RETREG1: variants seen among roughly 807,000 people sequenced by gnomAD.
The protein encoded by RETREG1 is family with sequence similarity 134 member B.
In RETREG1, 44 loss-of-function variants were observed where a neutral mutation model predicts 54.8. The ratio of observed to expected loss-of-function variants is 0.80; its 90% CI spans 0.63 to 1.03. The LOEUF (loss-of-function observed/expected upper bound fraction) is 1.03. RETREG1 is among the 50% of genes least tolerant of loss of function. The pLI, the probability that RETREG1 is intolerant of heterozygous loss-of-function variation, is 0.00. For synonymous variants in RETREG1, 217 were observed against 238.5 expected (o/e 0.91, Z 0.83); for missense variants, 554 against 605.1 (o/e 0.92, Z 0.89).
chr5:16,520,100 T>C (rs1740483030), intron 3 of RETREG1, among the ~76,000 whole-genome samples: 1 of 151,990 alleles, frequency 6.6e-6, no homozygotes, highest in African/African-American at 2.4e-5. Flanking sequence ...CAAGGGCTGC[T>C]GGGGGACAGG....
At chr5:16,556,815 G>A (rs115203932) in intron 3 of RETREG1, among the ~76,000 whole-genome samples, 8 of 152,110 alleles carry the variant, frequency 5.3e-5, no homozygotes, top group Admixed American at 3.3e-4. Flanking sequence ...ACTAGGATAC[G>A]ATACGCACCT....
At chr5:16,608,656 T>C (rs1312618118) in intron 1 of RETREG1, among the ~76,000 whole-genome samples, 1 of 152,160 alleles carries the variant, frequency 6.6e-6, no homozygotes, top group Non-Finnish European at 1.5e-5. Flanking sequence ...GTTCAGGCAC[T>C]GGGCTTCTGG....
At chr5:16,528,858 G>A (rs1247095957) in intron 3 of RETREG1, among the ~76,000 whole-genome samples, 2 of 152,130 alleles carry the variant, frequency 1.3e-5, no homozygotes, top group African/African-American at 2.4e-5. Flanking sequence ...CTACCATTGT[G>A]GCATCAAAGC....
At chr5:16,493,387 C>G (rs1004456385) in intron 3 of RETREG1, among the ~76,000 whole-genome samples, 1 of 152,184 alleles carries the variant, frequency 6.6e-6, no homozygotes, top group Non-Finnish European at 1.5e-5. Flanking sequence ...AATTCCATTA[C>G]TAGCATAGGA....
At chr5:16,525,316 A>T (rs971591485) in intron 3 of RETREG1, among the ~76,000 whole-genome samples, 46 of 89,358 alleles carry the variant, frequency 5.1e-4, no homozygotes, top group Admixed American at 1.5e-3. Flanking sequence ...CTCCAGCCCC[A>T]ACAGGTGGAT....
At chr5:16,482,516 C>A (rs961072119) in intron 4 of RETREG1, among the ~76,000 whole-genome samples, 1 of 150,924 alleles carries the variant, frequency 6.6e-6, no homozygotes, top group Non-Finnish European at 1.5e-5. Flanking sequence ...CACTTTAATA[C>A]ACTCAAAATG....
At chr5:16,509,037 G>T in intron 3 of RETREG1, 1 of 943,190 alleles carries the variant, frequency 1.1e-6, no homozygotes. Context: ...TCTTCCCCCG[G>T]CTTTTTTTTT....
intron 3 of RETREG1, among the ~76,000 whole-genome samples, chr5:16,554,075 T>C (rs1232945368): frequency 6.6e-6 from 1 of 152,232 alleles, no homozygotes; most frequent in Non-Finnish European, 1.5e-5. Flanking sequence ...CTGTCACTTG[T>C]ACCTGGAGGC....
rs1317173590 is a variant in RETREG1 at position 16,594,264 on chromosome 5, C to A, written c.321-22162G>T. On this transcript the variant is annotated intron_variant, in intron 1 of 8. Coordinates refer to ENST00000306320, the MANE Select transcript of RETREG1 (RefSeq NM_001034850.3). This position sits in a 1 kb window ranked among gnomAD's most constrained non-coding sequence, Gnocchi z 4.4. ...GATACGATTAAGAATCAAAATTTCT[C>A]CTGATGCCCAACTTTCATTTTGATA... Among the ~76,000 whole-genome samples the A allele has an allele frequency of 6.6e-6, 1 of 152,202 alleles. No individual in the cohort carries two copies. Among genetic ancestry groups the A allele is most frequent in the Non-Finnish European group, 1.5e-5 (1 of 68,032 alleles).
chr5:16,528,322 A>T (rs1740786201), intron 3 of RETREG1, among the ~76,000 whole-genome samples: 1 of 152,198 alleles, frequency 6.6e-6, no homozygotes, highest in African/African-American at 2.4e-5. Context: ...GATTTTACAG[A>T]GATTACAATT....
intron 5 of RETREG1, among the ~76,000 whole-genome samples, chr5:16,479,942 A>C (rs2126514860): frequency 6.6e-6 from 1 of 152,158 alleles, no homozygotes; most frequent in African/African-American, 2.4e-5. Context: ...AGGTGAAGAA[A>C]ATCCATACTT....
At chr5:16,586,645 C>A (rs1300631532) in intron 1 of RETREG1, among the ~76,000 whole-genome samples, 10 of 152,196 alleles carry the variant, frequency 6.6e-5, no homozygotes, top group African/African-American at 2.4e-4. Flanking sequence ...CAAATATTAT[C>A]TGATTCTATA....
chr5:16,610,775 T>C (rs568821216), intron 1 of RETREG1, among the ~76,000 whole-genome samples: 2 of 152,288 alleles, frequency 1.3e-5, no homozygotes, highest in South Asian at 2.1e-4. Context: ...GCAGAGGATG[T>C]GGAGAAATAG....
intron 3 of RETREG1, among the ~76,000 whole-genome samples, chr5:16,534,301 C>T (rs888917053): frequency 1.3e-5 from 2 of 152,262 alleles, no homozygotes; most frequent in South Asian, 2.1e-4. Flanking sequence ...AACGAACCAA[C>T]CTAGCATCAG....
chr5:16,502,187 T>C (rs567338125), intron 3 of RETREG1, among the ~76,000 whole-genome samples: 17 of 151,158 alleles, frequency 1.1e-4, no homozygotes, highest in Middle Eastern at 3.6e-3. Flanking sequence ...CTCGATCTCC[T>C]GATCTCGTGA....
At chr5:16,616,988 AGACAGGGACGG>A in exon 1 of RETREG1, 4 of 1,361,304 alleles carry the variant, frequency 2.9e-6, no homozygotes, top group Non-Finnish European at 3.8e-6. Context: ...CTGTGCTTCC[AGACAGGGACGG>A]GGCCGGGCGC....
chr5:16,475,175 C>G lies in RETREG1; in HGVS notation c.1060G>C (p.Glu354Gln). 6.2e-7 allele frequency: 1 copy of G among 1,613,822 alleles called. No homozygotes were observed. The highest frequency in any genetic ancestry group is 1.1e-5 in the South Asian group (1 of 91,086). The change falls in exon 9 of 9, where the codon GAA (glutamate) becomes CAA (glutamine). Residue 354 changes from glutamate (E) to glutamine (Q), a missense_variant. By Grantham distance (29) the Glu-to-Gln change is conservative. Coordinates refer to ENST00000306320, the MANE Select transcript of RETREG1 (RefSeq NM_001034850.3). Reference protein sequence around the residue: ...SRDLSDFPSLENGMGTNDEDE... With the variant: ...SRDLSDFPSLQNGMGTNDEDE... Reference sequence around the variant, plus strand: ...TCATCATTTGTTCCCATGCCATTTTCTAGAGATGGAAAATCTGAAAGATCT... The same window carrying G: ...TCATCATTTGTTCCCATGCCATTTTGTAGAGATGGAAAATCTGAAAGATCT...
chr5:16,530,804 C>T (rs1020595064), intron 3 of RETREG1, among the ~76,000 whole-genome samples: 11 of 151,304 alleles, frequency 7.3e-5, no homozygotes, highest in East Asian at 5.9e-4. Flanking sequence ...ACCCAGGAGG[C>T]GGAGGTTGCA....
At chr5:16,563,749 G>A (rs1359161330) in intron 3 of RETREG1, among the ~76,000 whole-genome samples, 1 of 151,992 alleles carries the variant, frequency 6.6e-6, no homozygotes, top group African/African-American at 2.4e-5. Flanking sequence ...TGTTTTTATT[G>A]AAAAGTTTTT....
Sources: allele counts gnomAD v4.1 joint callset (sites outside exome capture counted in the v4.1 genomes callset), GRCh38; gene constraint gnomAD v4.1.1; non-coding constraint Gnocchi (gnomAD v3.1); transcripts MANE v1.5; gene names NCBI Gene and HGNC (gene_info 2026-07-23, HGNC 2026-07-21).